Variants in CIMAP2 observed in about 807,000 individuals in gnomAD.
CIMAP2 encodes ciliary microtubule-associated protein 2.
the CIMAP2 span, chr1:54,812,171 T>C: frequency 6.2e-7 from 1 of 1,614,204 alleles, no homozygotes; most frequent in Non-Finnish European, 8.5e-7. Flanking sequence ...CACTGCCTTA[T>C]GGGCACTACT....
the CIMAP2 span, among the ~76,000 whole-genome samples, chr1:54,811,235 A>G: frequency 6.6e-6 from 1 of 152,152 alleles, no homozygotes; most frequent in Non-Finnish European, 1.5e-5. Context: ...TTCACAGCAC[A>G]TTGAGAAAGC....
chr1:54,829,603 C>G, the CIMAP2 span, among the ~76,000 whole-genome samples: 1 of 152,340 alleles, frequency 6.6e-6, no homozygotes, highest in East Asian at 1.9e-4. Flanking sequence ...CTGAGTGCCT[C>G]TGAGCTGCTG....
chr1:54,807,687 G>A, the CIMAP2 span: 28 of 1,594,804 alleles, frequency 1.8e-5, no homozygotes, highest in African/African-American at 2.7e-5. Flanking sequence ...AGAAGCGGCT[G>A]AAGGTGAGGC....
At chr1:54,814,442 C>T in the CIMAP2 span, among the ~76,000 whole-genome samples, 1 of 152,198 alleles carries the variant, frequency 6.6e-6, no homozygotes, top group Non-Finnish European at 1.5e-5. Flanking sequence ...TGAGCAGGCC[C>T]CCAAAGCACG....
the CIMAP2 span, chr1:54,811,765 G>GCCGGGGGGGGGGCGGGGCCCCCCCCCCCC: frequency 7.7e-7 from 1 of 1,301,330 alleles, no homozygotes; most frequent in Non-Finnish European, 1.1e-6. Context: ...GGTTCTGACA[G>GCCGGGGGGGGGGCGGGGCCCCCCCCCCCC]CCTCCATGCC....
the CIMAP2 span, chr1:54,815,060 G>T: frequency 1.2e-6 from 2 of 1,613,144 alleles, no homozygotes; most frequent in Admixed American, 1.7e-5. Context: ...CTGGGGTGAG[G>T]GATACATGGG....
the CIMAP2 span, among the ~76,000 whole-genome samples, chr1:54,832,812 G>A: frequency 1.2e-4 from 18 of 152,286 alleles, no homozygotes; most frequent in African/African-American, 4.3e-4. Flanking sequence ...AGGATCACTT[G>A]AGGTCAGGCG....
the CIMAP2 span, among the ~76,000 whole-genome samples, chr1:54,833,263 A>C: frequency 6.6e-6 from 1 of 152,146 alleles, no homozygotes; most frequent in Admixed American, 6.5e-5. Flanking sequence ...GGGATTGCTG[A>C]GTCCCGCAGC....
the CIMAP2 span, among the ~76,000 whole-genome samples, chr1:54,838,631 A>C: frequency 6.6e-6 from 1 of 152,192 alleles, no homozygotes; most frequent in East Asian, 1.9e-4. Context: ...GCTACATAAC[A>C]AACCACCCAG....
chr1:54,818,394 TCTTC>T, the CIMAP2 span, among the ~76,000 whole-genome samples: 1 of 151,932 alleles, frequency 6.6e-6, no homozygotes, highest in Admixed American at 6.6e-5. Flanking sequence ...TCTCTCTCTC[TCTTC>T]TTTCTTATTT....
the CIMAP2 span, among the ~76,000 whole-genome samples, chr1:54,827,724 G>A: frequency 3.3e-5 from 5 of 152,218 alleles, no homozygotes; most frequent in East Asian, 1.9e-4. Context: ...TTGGAGGCAT[G>A]TTGCACACAC....
chr1:54,820,571 C>A, the CIMAP2 span, among the ~76,000 whole-genome samples: 46 of 152,164 alleles, frequency 3.0e-4, no homozygotes, highest in Non-Finnish European at 6.3e-4. Flanking sequence ...GCTCCCTTTT[C>A]TCCACATCCT....
At chr1:54,811,765 G>GCCGGGGGGGGGGGGGGGGGGGCCCCCCC in the CIMAP2 span, 1 of 1,301,328 alleles carries the variant, frequency 7.7e-7, no homozygotes, top group Non-Finnish European at 1.1e-6. Context: ...GGTTCTGACA[G>GCCGGGGGGGGGGGGGGGGGGGCCCCCCC]CCTCCATGCC....
chr1:54,807,134 C>A, the CIMAP2 span: 12 of 1,534,056 alleles, frequency 7.8e-6, no homozygotes, highest in African/African-American at 1.5e-4. Context: ...GGCCACTGCC[C>A]CTTCGAGCTG....
the CIMAP2 span, chr1:54,806,211 A>C: frequency 6.5e-7 from 1 of 1,537,444 alleles, no homozygotes; most frequent in Non-Finnish European, 8.7e-7. Flanking sequence ...TTCGGGGTGC[A>C]GAGCCACAGG....
the CIMAP2 span, chr1:54,811,764 A>G: frequency 1.4e-5 from 15 of 1,097,694 alleles, no homozygotes; most frequent in Non-Finnish European, 1.7e-5. Context: ...TGGTTCTGAC[A>G]GCCTCCATGC....
the CIMAP2 span, among the ~76,000 whole-genome samples, chr1:54,806,708 G>A: frequency 6.6e-6 from 1 of 151,208 alleles, no homozygotes; most frequent in Non-Finnish European, 1.5e-5. Context: ...TCTCTTCTGT[G>A]GGGGGTGGGG....
At chr1:54,825,474 G>A in the CIMAP2 span, among the ~76,000 whole-genome samples, 5 of 152,186 alleles carry the variant, frequency 3.3e-5, no homozygotes, top group African/African-American at 1.2e-4. Context: ...CAGCATCAGT[G>A]GTGTCTTTGG....
At chr1:54,809,792 T>G in the CIMAP2 span, among the ~76,000 whole-genome samples, 1 of 151,994 alleles carries the variant, frequency 6.6e-6, no homozygotes, top group Non-Finnish European at 1.5e-5. Context: ...TCTGTTTCCT[T>G]CCTGCCTTTG....
Sources: allele counts gnomAD v4.1 joint callset (sites outside exome capture counted in the v4.1 genomes callset), GRCh38; gene constraint gnomAD v4.1.1; transcripts MANE v1.5; gene names NCBI Gene and HGNC (gene_info 2026-07-23, HGNC 2026-07-21).